Variants in CHSY3 observed in about 807,000 individuals in gnomAD.
The protein encoded by CHSY3 is N-acetylgalactosaminyl-proteoglycan 3-beta-glucuronosyltransferase 3.
A neutral mutation model predicts 67.2 loss-of-function variants in CHSY3; 35 were observed. That is an observed-to-expected ratio of 0.52 (90% CI 0.40 to 0.69). The LOEUF is 0.69. Ranked by LOEUF, CHSY3 falls within the 30% of genes least tolerant of loss-of-function variation. The probability of loss-of-function intolerance (pLI) is 0.00; values close to 1 mark genes in which losing one functional copy is unlikely to be tolerated. For missense variants in CHSY3, 1,069 were observed against 1,138.5 expected (o/e 0.94, Z 0.88); for synonymous variants, 474 against 434.7 (o/e 1.09, Z -1.12).
intron 2 of CHSY3, among the ~76,000 whole-genome samples, chr5:130,089,164 T>G (rs886688770): frequency 1.4e-5 from 2 of 139,748 alleles, no homozygotes; most frequent in African/African-American, 5.4e-5. Context: ...TAGGTGGGAA[T>G]TGAAGAGTGA....
Position 130,144,644 on chromosome 5 carries a change from G to GA in CHSY3, c.1087-39577dup, listed in dbSNP as rs956801386. 4.0e-5 allele frequency among the ~76,000 whole-genome samples: 6 copies of GA among 151,600 alleles called. No individual in the cohort carries two copies. The East Asian group carries it at 5.8e-4, about 15-fold the overall frequency. Reference sequence around the variant, plus strand: ...ACCAATGAAGCTCTTCAGAGAAATGGAAAAAAAATCTTAATTTTTTTAATG... The same window carrying GA: ...ACCAATGAAGCTCTTCAGAGAAATGGAAAAAAAAATCTTAATTTTTTTAATG... On this transcript the variant is annotated intron_variant, in intron 2 of 2. Coordinates refer to ENST00000305031, the MANE Select transcript of CHSY3 (RefSeq NM_175856.5).
At chr5:129,983,611 T>C (rs890552379) in intron 2 of CHSY3, among the ~76,000 whole-genome samples, 4 of 152,062 alleles carry the variant, frequency 2.6e-5, no homozygotes, top group Admixed American at 6.6e-5. Flanking sequence ...CACATATTTA[T>C]GGAGCACCAA....
intron 2 of CHSY3, among the ~76,000 whole-genome samples, chr5:130,044,037 G>C (rs945504065): frequency 3.3e-5 from 5 of 152,106 alleles, no homozygotes; most frequent in African/African-American, 1.2e-4. Flanking sequence ...AGCTCAGAGA[G>C]AGATCAGAGT....
In CHSY3 at chr5:130,184,716, G is replaced by A; in HGVS notation, c.1574G>A (p.Gly525Asp). The A allele has an allele frequency of 6.2e-7, 1 of 1,609,404 alleles. No individual in the cohort carries two copies. ...ATTGACTTCAAGGAAATTCAGTATGGCTACCGCAGAGTTAACCCCATGCAC... is the reference window on the plus strand; with the variant it reads ...ATTGACTTCAAGGAAATTCAGTATGACTACCGCAGAGTTAACCCCATGCAC... ...RLIDFKEIQY[G>D]YRRVNPMHGV... is the part of the protein sequence containing the mutation. Residue 525 changes from glycine (G) to aspartate (D), a missense_variant, in exon 3 of 3, where the codon GGC becomes GAC. This residue lies in a region of CHSY3 where 401 missense variants were observed against 395.2 expected (regional missense o/e 1.01). Coordinates refer to ENST00000305031, the MANE Select transcript of CHSY3 (RefSeq NM_175856.5).
chr5:130,030,010 A>G (rs1764661086), intron 2 of CHSY3, among the ~76,000 whole-genome samples: 1 of 152,108 alleles, frequency 6.6e-6, no homozygotes. Flanking sequence ...AAATATTTGC[A>G]TCTGTCCTAT....
intron 2 of CHSY3, among the ~76,000 whole-genome samples, chr5:130,077,338 C>T (rs1766299543): frequency 6.6e-6 from 1 of 151,976 alleles, no homozygotes; most frequent in Admixed American, 6.6e-5. Flanking sequence ...AGTCCCTTCT[C>T]CTTTTAATTT....
At chr5:130,060,907 A>G (rs1417960514) in intron 2 of CHSY3, among the ~76,000 whole-genome samples, 1 of 152,156 alleles carries the variant, frequency 6.6e-6, no homozygotes, top group Non-Finnish European at 1.5e-5. Context: ...GATGAAAGAA[A>G]TCATAGATAA....
chr5:130,043,046 GA>G (rs984386103), intron 2 of CHSY3, among the ~76,000 whole-genome samples: 4 of 152,080 alleles, frequency 2.6e-5, no homozygotes, highest in African/African-American at 9.6e-5. Flanking sequence ...TTGGTCCAAA[GA>G]AAAAGCTGAA....
At chr5:130,168,549 T>C (rs1769813108) in intron 2 of CHSY3, among the ~76,000 whole-genome samples, 1 of 152,112 alleles carries the variant, frequency 6.6e-6, no homozygotes, top group Non-Finnish European at 1.5e-5. Context: ...TTAAGTTACG[T>C]TTTATTTTTT....
chr5:129,990,377 A>AGTGAGTGTGT (rs1554075037), intron 2 of CHSY3, among the ~76,000 whole-genome samples: 14 of 147,476 alleles, frequency 9.5e-5, no homozygotes, highest in African/African-American at 3.0e-4. Flanking sequence ...TGAGTGAGTG[A>AGTGAGTGTGT]GTGTGTGTGT....
At chr5:130,169,689 GA>G (rs34736549) in intron 2 of CHSY3, among the ~76,000 whole-genome samples, 1,544 of 147,816 alleles carry the variant, frequency 0.01, 32 homozygotes, top group African/African-American at 0.035. Flanking sequence ...TGGGAGCACA[GA>G]AAAAAAAAAA....
chr5:129,917,697 T>A (rs1760776991), intron 2 of CHSY3, among the ~76,000 whole-genome samples: 1 of 152,202 alleles, frequency 6.6e-6, no homozygotes, highest in Non-Finnish European at 1.5e-5. Flanking sequence ...ATTGGATAGG[T>A]TTTCATTGCT....
At chr5:130,032,690 A>G (rs1322480967) in intron 2 of CHSY3, among the ~76,000 whole-genome samples, 3 of 152,148 alleles carry the variant, frequency 2.0e-5, no homozygotes, top group South Asian at 4.1e-4. Context: ...CAGGTTAGAC[A>G]TACGCCTGGG....
chr5:130,145,719 C>T (rs1280549246), intron 2 of CHSY3, among the ~76,000 whole-genome samples: 2 of 152,082 alleles, frequency 1.3e-5, no homozygotes, highest in Non-Finnish European at 2.9e-5. Context: ...GGGTTAATAT[C>T]CAGAATATGT....
intron 2 of CHSY3, among the ~76,000 whole-genome samples, chr5:130,076,772 C>T (rs1766268159): frequency 6.6e-6 from 1 of 152,032 alleles, no homozygotes; most frequent in South Asian, 2.1e-4. Context: ...AAAGGTCTTT[C>T]ATTGGAGTTA....
chr5:130,151,676 G>A (rs769322629), intron 2 of CHSY3, among the ~76,000 whole-genome samples: 2 of 152,126 alleles, frequency 1.3e-5, no homozygotes, highest in Non-Finnish European at 2.9e-5. Flanking sequence ...ATGGTGGCAC[G>A]AAGAAGTGTC....
chr5:129,912,729 C>G (rs2453779), intron 2 of CHSY3, among the ~76,000 whole-genome samples: 136,972 of 152,210 alleles, frequency 0.9, 61,761 homozygotes, highest in East Asian at 1. Context: ...CACAGTTAGG[C>G]CTCCAGCATG....
At chr5:130,126,042 A>G (rs934417830) in intron 2 of CHSY3, among the ~76,000 whole-genome samples, 2 of 152,130 alleles carry the variant, frequency 1.3e-5, no homozygotes, top group East Asian at 1.9e-4. Context: ...GGTTTTTGCA[A>G]TGCCTTTTTA....
chr5:129,922,240 G>A (rs749959326), intron 2 of CHSY3, among the ~76,000 whole-genome samples: 2 of 152,170 alleles, frequency 1.3e-5, no homozygotes, highest in Non-Finnish European at 2.9e-5. Flanking sequence ...ATCCACTGAT[G>A]GATACTTAGG....
Sources: gnomAD v4.1 joint callset for allele counts (sites outside exome capture counted in the v4.1 genomes callset) on GRCh38, gnomAD v4.1.1 for gene constraint, gnomAD v4.1.1 regional missense constraint, MANE v1.5 for transcripts, NCBI Gene and HGNC (gene_info 2026-07-23, HGNC 2026-07-21) for gene names.